CAV3: variants seen among roughly 807,000 people sequenced by gnomAD.
CAV3 encodes caveolin-3.
CAV3 carries 10 observed loss-of-function variants against 13.4 expected under a neutral mutation model. That is an observed-to-expected ratio of 0.75 (90% CI 0.46 to 1.27). The LOEUF (loss-of-function observed/expected upper bound fraction) is 1.27. Ranked by LOEUF, CAV3 falls within the 50% of genes most tolerant of loss-of-function variation. The pLI, the probability that CAV3 is intolerant of heterozygous loss-of-function variation, is 0.00. For missense variants in CAV3, 162 were observed against 194.0 expected (o/e 0.83, Z 0.98); for synonymous variants, 90 against 79.0 (o/e 1.14, Z -0.74).
At chr3:8,744,902 C>T (rs1310755841) in intron 1 of CAV3, 1 of 153,314 alleles carries the variant, frequency 6.5e-6, no homozygotes, top group African/African-American at 2.4e-5. Flanking sequence ...CTAGGAACAG[C>T]AGCAGCTTGG....
chr3:8,745,591 G>A lies in CAV3; in HGVS notation c.180G>A (p.Val60=). 1.2e-6 allele frequency: 2 copies of A among 1,614,130 alleles called. No individual in the cohort carries two copies. Among genetic ancestry groups the A allele is most frequent in the South Asian group, 1.1e-5 (1 of 91,080 alleles). ...ACAGCTTTGACGGCGTGTGGAAGGT[G>A]AGCTACACCACCTTCACTGTCTCCA... ...GTYSFDGVWK[V]SYTTFTVSKY... is the part of the protein sequence containing the mutation. The change falls in exon 2 of 2, where the codon GTG becomes GTA. Residue 60 remains valine (V), a synonymous_variant. Transcript: ENST00000343849. The surrounding 1 kb of genome is among the most constrained non-coding windows in gnomAD (Gnocchi z 4.8).
At chr3:8,742,192 G>A (rs953687295) in intron 1 of CAV3, among the ~76,000 whole-genome samples, 3 of 152,058 alleles carry the variant, frequency 2.0e-5, no homozygotes, top group African/African-American at 7.3e-5. Flanking sequence ...CTCTCTCAAT[G>A]CTCAAATCTG....
Position 8,745,771 on chromosome 3 carries a change from C to T in CAV3, c.360C>T (p.Ile120=). 1.2e-6 allele frequency: 2 copies of T among 1,614,128 alleles called. No homozygotes were observed. Among genetic ancestry groups the T allele is most frequent in the Non-Finnish European group, 1.7e-6 (2 of 1,180,044 alleles). Residue 120 remains isoleucine, a synonymous_variant, in exon 2 of 2, where the codon ATC becomes ATT. Coordinates refer to ENST00000343849, the MANE Select transcript of CAV3 (RefSeq NM_033337.3). The surrounding 1 kb of genome is among the most constrained non-coding windows in gnomAD (Gnocchi z 4.8). ...TCGAGATCCAGTGCATCAGCCACAT[C>T]TACTCACTCTGCATCCGCACCTTCT... The part of the protein sequence containing the change: ...YLIEIQCISH[I]YSLCIRTFCN...
chr3:8,734,245 G>C (rs1157265682), intron 1 of CAV3, among the ~76,000 whole-genome samples: 1 of 152,038 alleles, frequency 6.6e-6, no homozygotes, highest in African/African-American at 2.4e-5. Context: ...AGGGCAGGAG[G>C]AGCGAGTCAC....
Position 8,737,632 on chromosome 3 carries a change from C to A in CAV3, c.114+3642C>A, listed in dbSNP as rs530992553. Among the ~76,000 whole-genome samples, 6 of 152,254 alleles carry A rather than the reference C, an allele frequency of 3.9e-5. No individual in the cohort carries two copies. The East Asian group carries it at 1.2e-3, about 29-fold the overall frequency. ...TAGCTGAGGAACTGGGGGGAGCACA[C>A]CCCCATTTCTGTTGCCACTTGCCCT... On this transcript the variant is annotated intron_variant, in intron 1 of 1. Coordinates refer to ENST00000343849, the MANE Select transcript of CAV3 (RefSeq NM_033337.3).
At position 8,746,095 on chromosome 3, in the gene CAV3, G is replaced by A. The variant is rs1708153531; in HGVS notation, c.*228G>A. On this transcript the variant is annotated 3_prime_UTR_variant, in exon 2 of 2. Transcript: ENST00000343849. ...CCCCACCATGATGCCCCCATGCCTG[G>A]GCGTGGGGGAAGATCATTTGCCAAG... 1 of 519,178 alleles carries A rather than the reference G, an allele frequency of 1.9e-6. No homozygotes were observed. The highest frequency in any genetic ancestry group is 3.5e-6 in the Non-Finnish European group (1 of 289,726). The allele number at this position is 519,178 out of a possible 1,614,324, so 32.2% of individuals were successfully genotyped here. A position where few individuals can be genotyped will look rare whatever the true frequency, so the allele number is the denominator to read the frequency against.
intron 1 of CAV3, among the ~76,000 whole-genome samples, chr3:8,738,905 C>G: frequency 6.6e-6 from 1 of 152,162 alleles, no homozygotes; most frequent in Non-Finnish European, 1.5e-5. Flanking sequence ...GATAACACTT[C>G]GCTGCTCTGT....
At chr3:8,735,123 A>G (rs951121154) in intron 1 of CAV3, among the ~76,000 whole-genome samples, 1 of 152,218 alleles carries the variant, frequency 6.6e-6, no homozygotes, top group East Asian at 1.9e-4. Context: ...CTCAGATCCT[A>G]CTGAAAGCAT....
At chr3:8,739,934 C>T (rs1427700298) in intron 1 of CAV3, among the ~76,000 whole-genome samples, 5 of 152,110 alleles carry the variant, frequency 3.3e-5, no homozygotes, top group African/African-American at 1.2e-4. Context: ...GGGGCTCCAC[C>T]GAGCTAGAAC....
In CAV3 at chr3:8,745,969, G is replaced by A; in HGVS notation, c.*102G>A. On this transcript the variant is annotated 3_prime_UTR_variant, in exon 2 of 2. Transcript: ENST00000343849. The surrounding 1 kb of genome is among the most constrained non-coding windows in gnomAD (Gnocchi z 4.8). ...GCTGCTGGCGAGCTCTTTCTCTTTA[G>A]GGACTGCTCCATACCCCATGATGGA... is the stretch of plus-strand genomic sequence containing the variant. 1.1e-6 allele frequency: 1 copy of A among 923,156 alleles called. No individual in the cohort carries two copies. Among genetic ancestry groups the A allele is most frequent in the East Asian group, 2.6e-5 (1 of 39,122 alleles). The allele number at this position is 923,156 out of a possible 1,614,324, so 57.2% of individuals were successfully genotyped here.
Position 8,736,667 on chromosome 3 carries a change from G to A in CAV3, c.114+2677G>A, listed in dbSNP as rs142917649. On this transcript the variant is annotated intron_variant, in intron 1 of 1. Transcript: ENST00000343849. ...TGGATTATGACGCAGAGGGAGCGGC[G>A]GGGGCGGCGGCACAGGTGCAGCGGC... 6.4e-4 allele frequency among the ~76,000 whole-genome samples: 97 copies of A among 152,342 alleles called. 1 individual carries two copies. Among genetic ancestry groups the A allele is most frequent in the African/African-American group, 2.1e-3 (87 of 41,578 alleles).
chr3:8,746,054 C>T lies in CAV3; in HGVS notation c.*187C>T. On this transcript the variant is annotated 3_prime_UTR_variant, in exon 2 of 2. Coordinates refer to ENST00000343849, the MANE Select transcript of CAV3 (RefSeq NM_033337.3). ...GCCCAGCCACAGAAGCACAATGGCC[C>T]TTCGCTCTCCCCCAGCCCCACCATG... is the stretch of plus-strand genomic sequence containing the variant. 2 of 584,900 alleles carry T rather than the reference C, an allele frequency of 3.4e-6. No homozygotes were observed. The highest frequency in any genetic ancestry group is 5.6e-5 in the East Asian group (2 of 35,632). The allele number at this position is 584,900 out of a possible 1,614,324, so 36.2% of individuals were successfully genotyped here.
At chr3:8,744,445 ATTTTTTTTT>A (rs141816229) in intron 1 of CAV3, among the ~76,000 whole-genome samples, 24 of 111,378 alleles carry the variant, frequency 2.2e-4, no homozygotes, top group African/African-American at 6.2e-4. Context: ...TACCCGGCTA[ATTTTTTTTT>A]TTTTTTTTTT....
chr3:8,733,830 C>A lies in CAV3; in HGVS notation c.-47C>A, dbSNP rs374841789. 1 of 1,192,700 alleles carries A rather than the reference C, an allele frequency of 8.4e-7. No individual in the cohort carries two copies. 73.9% of individuals were successfully genotyped at this position (1,192,700 alleles called of 1,614,324 possible). A position where few individuals can be genotyped will look rare whatever the true frequency, so the allele number is the denominator to read the frequency against. On this transcript the variant is annotated 5_prime_UTR_variant, in exon 1 of 2. Coordinates refer to ENST00000343849, the MANE Select transcript of CAV3 (RefSeq NM_033337.3). The stretch of plus-strand genomic sequence containing the variant: ...TGCCCCAAGTATTTTCAGCCCCAGC[C>A]GGCCACACAGCTCGGATCTCCTCCT...
At chr3:8,736,201 G>C (rs1478774116) in intron 1 of CAV3, among the ~76,000 whole-genome samples, 1 of 152,154 alleles carries the variant, frequency 6.6e-6, no homozygotes, top group African/African-American at 2.4e-5. Context: ...ACCTAAAAAT[G>C]ATAACACTGG....
At chr3:8,741,972 C>G (rs1559649656) in intron 1 of CAV3, among the ~76,000 whole-genome samples, 1 of 152,202 alleles carries the variant, frequency 6.6e-6, no homozygotes. Flanking sequence ...CCTCCAGCCC[C>G]TCTCTCCAAC....
chr3:8,737,569 GA>G (rs1438548295), intron 1 of CAV3, among the ~76,000 whole-genome samples: 1 of 152,152 alleles, frequency 6.6e-6, no homozygotes. Context: ...CAAGGCTCGG[GA>G]CTGGGCCCAG....
In CAV3 at chr3:8,745,312, C is replaced by T. The variant is rs1385341184; in HGVS notation, c.115-214C>T. Among the ~76,000 whole-genome samples, 1 of 152,206 alleles carries T rather than the reference C, an allele frequency of 6.6e-6. No individual in the cohort carries two copies. The highest frequency in any genetic ancestry group is 2.4e-5 in the African/African-American group (1 of 41,450). ...AGCACCATGATTCCTGCACAGATCA[C>T]AGACCCATGGGCCAATTAAACCTCC... On this transcript the variant is annotated intron_variant, in intron 1 of 1. Transcript: ENST00000343849. The surrounding 1 kb of genome is among the most constrained non-coding windows in gnomAD (Gnocchi z 4.8).
intron 1 of CAV3, among the ~76,000 whole-genome samples, chr3:8,736,174 CA>C (rs1707747053): frequency 6.6e-6 from 1 of 152,180 alleles, no homozygotes; most frequent in Non-Finnish European, 1.5e-5. Context: ...GACTTGATTT[CA>C]AATCCAGTCC....
Sources: gnomAD v4.1 joint callset for allele counts (sites outside exome capture counted in the v4.1 genomes callset) on GRCh38, gnomAD v4.1.1 for gene constraint, Gnocchi (gnomAD v3.1) non-coding constraint, MANE v1.5 for transcripts, NCBI Gene and HGNC (gene_info 2026-07-23, HGNC 2026-07-21) for gene names.